The following CACNA1G variants were observed in gnomAD, a reference collection of about 807,000 sequenced individuals.
CACNA1G encodes the protein voltage-dependent T-type calcium channel subunit alpha-1G.
Under a neutral mutation model 219.4 loss-of-function variants are expected in CACNA1G, and 67 were observed. That is an observed-to-expected ratio of 0.31 (90% confidence interval 0.25 to 0.37). The LOEUF is 0.37. CACNA1G is among the 10% of genes least tolerant of loss of function. The pLI is 1.00. For missense variants in CACNA1G, 2,380 were observed against 3,231.4 expected (o/e 0.74, Z 6.39); for synonymous variants, 1,296 against 1,345.3 (o/e 0.96, Z 0.80).
At position 50,618,467 on chromosome 17, in the gene CACNA1G, C is replaced by A; in HGVS notation, c.5427+124C>A. The stretch of plus-strand genomic sequence containing the variant: ...ACCTTCTCTCCCCCGTGCTAGAACA[C>A]TCTGGAACTCCCTCTCCCAGGAACA... On this transcript the variant is annotated intron_variant, in intron 32 of 37. Coordinates refer to ENST00000359106, the MANE Select transcript of CACNA1G (RefSeq NM_018896.5). This position sits in a 1 kb window ranked among gnomAD's most constrained non-coding sequence, Gnocchi z 5.3. 7.5e-7 allele frequency: 1 copy of A among 1,335,366 alleles called. No homozygotes were observed. The highest frequency in any genetic ancestry group is 1.0e-6 in the Non-Finnish European group (1 of 954,652). The allele number at this position is 1,335,366 out of a possible 1,614,324, so 82.7% of individuals were successfully genotyped here.
At position 50,626,684 on chromosome 17, in the gene CACNA1G, C is replaced by T; in HGVS notation, c.7067C>T (p.Pro2356Leu). Residue 2356 changes from proline to leucine, a missense_variant, in exon 38 of 38, where the codon CCC (proline) becomes CTC (leucine). Around this residue, in one of 17 missense-constraint regions of CACNA1G, gnomAD observed 672 missense variants for 670.5 expected, o/e 1.00. Coordinates refer to ENST00000359106, the MANE Select transcript of CACNA1G (RefSeq NM_018896.5). The surrounding 1 kb of genome is among the most constrained non-coding windows in gnomAD (Gnocchi z 4.3). ...SGPPDSMAAS[P>L]SPKKDVLSLS... The stretch of plus-strand genomic sequence containing the variant: ...CCCCCTGACAGCATGGCTGCCTCGC[C>T]CTCCCCAAAGAAAGATGTGCTGAGT... The T allele has an allele frequency of 6.2e-7, 1 of 1,613,290 alleles. No homozygotes were observed.
At position 50,575,640 on chromosome 17, in the gene CACNA1G, G is replaced by C; in HGVS notation, c.1238G>C (p.Arg413Pro). Residue 413 changes from arginine (R) to proline (P), a missense_variant, in exon 8 of 38, where the codon CGT (arginine) becomes CCT (proline). Coordinates refer to ENST00000359106, the MANE Select transcript of CACNA1G (RefSeq NM_018896.5). ...GAAAGCCAGCTGATGCGGGAGCAGC[G>C]TGTGCGGTTCCTGTCCAACGCCAGC... Reference protein sequence around the residue: ...QRESQLMREQRVRFLSNASTL... With the variant: ...QRESQLMREQPVRFLSNASTL... The C allele has an allele frequency of 6.2e-7, 1 of 1,613,770 alleles. No individual in the cohort carries two copies. Among genetic ancestry groups the C allele is most frequent in the Non-Finnish European group, 8.5e-7 (1 of 1,179,864 alleles).
chr17:50,601,249 G>A, intron 19 of CACNA1G, 75 bp downstream of exon 19: 3 of 1,561,140 alleles, frequency 1.9e-6, no homozygotes, highest in Non-Finnish European at 2.6e-6. Flanking sequence ...AGGCAAGGAG[G>A]CCACAGTTGC....
At chr17:50,573,181 A>C (rs1474049711) in intron 7 of CACNA1G, 68 bp downstream of exon 7, 5 of 1,170,986 alleles carry the variant, frequency 4.3e-6, no homozygotes, top group Admixed American at 2.0e-5. Flanking sequence ...CAGTCCAGAG[A>C]GGGGATAGTT....
At chr17:50,564,368 AG>A (rs2037041768) in intron 1 of CACNA1G, among the ~76,000 whole-genome samples, 1 of 148,258 alleles carries the variant, frequency 6.7e-6, no homozygotes. Flanking sequence ...CACATCTGGA[AG>A]TTTGTGTAGG....
chr17:50,601,698 C>T (rs765342600), intron 19 of CACNA1G, among the ~76,000 whole-genome samples: 59 of 152,132 alleles, frequency 3.9e-4, no homozygotes, highest in Non-Finnish European at 4.4e-4. Context: ...CTGGACATAC[C>T]GCCCCAGGGT....
Position 50,626,776 on chromosome 17 carries a change from C to G in CACNA1G, c.*25C>G. 6.2e-7 allele frequency: 1 copy of G among 1,612,884 alleles called. No homozygotes were observed. The highest frequency in any genetic ancestry group is 8.5e-7 in the Non-Finnish European group (1 of 1,179,840). Reference sequence around the variant, plus strand: ...AGTCCTGCCCCACTTTCCCACTCACCTTTCTCCACTGGGTGCCAAGTCCTA... The same window carrying G: ...AGTCCTGCCCCACTTTCCCACTCACGTTTCTCCACTGGGTGCCAAGTCCTA... On this transcript the variant is annotated 3_prime_UTR_variant, in exon 38 of 38. Transcript: ENST00000359106. This position sits in a 1 kb window ranked among gnomAD's most constrained non-coding sequence, Gnocchi z 4.3.
chr17:50,604,568 C>T (rs144611509), intron 22 of CACNA1G, among the ~76,000 whole-genome samples: 168 of 152,350 alleles, frequency 1.1e-3, no homozygotes, highest in Non-Finnish European at 1.9e-3. Flanking sequence ...TGAGCACAGA[C>T]GCTGGCCCGC....
chr17:50,596,565 G>A lies in CACNA1G; in HGVS notation c.2983G>A (p.Asp995Asn). Residue 995 changes from aspartate (D) to asparagine (N), a missense_variant, in exon 15 of 38, where the codon GAT (aspartate) becomes AAT (asparagine). This residue lies in a region of CACNA1G where 418 missense variants were observed against 434.3 expected (regional missense o/e 0.96). Transcript: ENST00000359106. The surrounding 1 kb of genome is among the most constrained non-coding windows in gnomAD (Gnocchi z 4.8). Reference sequence around the variant, plus strand: ...GTCCGCTGCTCCCCTGCCCTAGGGAGATGCCAACAAGTCCGAATCAGAGCC... The same window carrying A: ...GTCCGCTGCTCCCCTGCCCTAGGGAAATGCCAACAAGTCCGAATCAGAGCC... ...IQLPVDSQGG[D>N]ANKSESEPDF... is the part of the protein sequence containing the mutation. The A allele has an allele frequency of 6.2e-7, 1 of 1,613,882 alleles. No homozygotes were observed. The highest frequency in any genetic ancestry group is 8.5e-7 in the Non-Finnish European group (1 of 1,179,784).
rs190199797 is a variant in CACNA1G at position 50,583,596 on chromosome 17, C to T, written c.2301+5032C>T. 6.8e-3 allele frequency among the ~76,000 whole-genome samples: 982 copies of T among 144,382 alleles called. 4 individuals carry two copies. Among genetic ancestry groups the T allele is most frequent in the Middle Eastern group, 0.024 (6 of 252 alleles). 94.7% of individuals were successfully genotyped at this position (144,382 alleles called of 152,430 possible). On this transcript the variant is annotated intron_variant, in intron 9 of 37. Transcript: ENST00000359106. Reference sequence around the variant, plus strand: ...CCAGCTCTCCTTCGGAAGGGCTTCACGAAGGTGGTGGCTTTTGAACGGAGC... The same window carrying T: ...CCAGCTCTCCTTCGGAAGGGCTTCATGAAGGTGGTGGCTTTTGAACGGAGC...
chr17:50,612,746 G>A (rs566628898), intron 26 of CACNA1G, among the ~76,000 whole-genome samples: 1 of 152,304 alleles, frequency 6.6e-6, no homozygotes, highest in East Asian at 1.9e-4. Flanking sequence ...TCCCTGCCCC[G>A]AAGTGGGGAC....
At chr17:50,592,203 C>A in intron 13 of CACNA1G, 111 bp downstream of exon 13, 1 of 1,179,462 alleles carries the variant, frequency 8.5e-7, no homozygotes, top group Non-Finnish European at 1.2e-6. Flanking sequence ...CTGGGAAGTC[C>A]CACAGGAAGA....
Position 50,591,865 on chromosome 17 carries a change from A to G in CACNA1G, c.2754+12A>G. On this transcript the variant is annotated intron_variant, in intron 12 of 37. Coordinates refer to ENST00000359106, the MANE Select transcript of CACNA1G (RefSeq NM_018896.5). ...TCACTGTCTTTCAGGTGCGAGGGTAACAGGGCAGGGCGTGGACAGGGGCCG... is the reference window on the plus strand; with the variant it reads ...TCACTGTCTTTCAGGTGCGAGGGTAGCAGGGCAGGGCGTGGACAGGGGCCG... 2 of 1,613,870 alleles carry G rather than the reference A, an allele frequency of 1.2e-6. No homozygotes were observed. Among genetic ancestry groups the G allele is most frequent in the Non-Finnish European group, 1.7e-6 (2 of 1,179,740 alleles).
Position 50,599,509 on chromosome 17 carries a change from G to A in CACNA1G, c.3340G>A (p.Gly1114Ser), listed in dbSNP as rs201525297. Residue 1114 changes from glycine to serine, a missense_variant, in exon 17 of 38, where the codon GGC (glycine) becomes AGC (serine). Physicochemically the swap from Gly to Ser is moderately conservative, Grantham distance 56 (BLOSUM62 0). Coordinates refer to ENST00000359106, the MANE Select transcript of CACNA1G (RefSeq NM_018896.5). ...CAGGCGCTCCAGCCGGAACAGCCTC[G>A]GCCGTGCACCCAGCCTGAAGCGGAG... ...TSRRSSRNSL[G>S]RAPSLKRRSP... 14 of 1,607,156 alleles carry A rather than the reference G, an allele frequency of 8.7e-6. No homozygotes were observed. Among genetic ancestry groups the A allele is most frequent in the Admixed American group, 3.4e-5 (2 of 58,922 alleles).
chr17:50,564,232 A>G (rs1267562439), intron 1 of CACNA1G, among the ~76,000 whole-genome samples: 2 of 151,008 alleles, frequency 1.3e-5, no homozygotes, highest in East Asian at 1.9e-4. Flanking sequence ...ACTGGCAGAC[A>G]GTCACCCCTG....
intron 26 of CACNA1G, among the ~76,000 whole-genome samples, chr17:50,610,700 C>A (rs1424194878): frequency 6.6e-6 from 1 of 152,076 alleles, no homozygotes; most frequent in African/African-American, 2.4e-5. Context: ...GCTGTTCATC[C>A]CCAAGGCCCC....
rs541084974 is a variant in CACNA1G at position 50,618,203 on chromosome 17, C to T, written c.5306-19C>T. The T allele has an allele frequency of 6.2e-7, 1 of 1,613,170 alleles. No individual in the cohort carries two copies. The highest frequency in any genetic ancestry group is 1.3e-5 in the African/African-American group (1 of 75,020). On this transcript the variant is annotated intron_variant, in intron 31 of 37. Coordinates refer to ENST00000359106, the MANE Select transcript of CACNA1G (RefSeq NM_018896.5). The surrounding 1 kb of genome is among the most constrained non-coding windows in gnomAD (Gnocchi z 5.3). ...TCCTGGACTAACATGGGCCTCTCCC[C>T]CTTTCCCTCCTCCCCCAGAGTGTGA...
At position 50,592,233 on chromosome 17, in the gene CACNA1G, G is replaced by A. The variant is rs1020547875; in HGVS notation, c.2910+141G>A. ...GGAAGAGCCTCTTAGACTAAGCCGG[G>A]GTGGACCAGGGCGGGAGGCTCCAGA... On this transcript the variant is annotated intron_variant, in intron 13 of 37. Transcript: ENST00000359106. The A allele has an allele frequency of 1.1e-5, 9 of 832,384 alleles. No homozygotes were observed. In the East Asian group the frequency reaches 2.4e-4, roughly 22 times the overall value. The allele number at this position is 832,384 out of a possible 1,614,324, so 51.6% of individuals were successfully genotyped here.
chr17:50,596,550 C>T lies in CACNA1G; in HGVS notation c.2980-12C>T. 6.2e-7 allele frequency: 1 copy of T among 1,613,020 alleles called. No homozygotes were observed. Among genetic ancestry groups the T allele is most frequent in the Non-Finnish European group, 8.5e-7 (1 of 1,179,094 alleles). On this transcript the variant is annotated splice_polypyrimidine_tract_variant and intron_variant, in intron 14 of 37. Transcript: ENST00000359106. The surrounding 1 kb of genome is among the most constrained non-coding windows in gnomAD (Gnocchi z 4.8). ...GCCGGATCCCTAATGGTCCGCTGCTCCCCTGCCCTAGGGAGATGCCAACAA... is the reference window on the plus strand; with the variant it reads ...GCCGGATCCCTAATGGTCCGCTGCTTCCCTGCCCTAGGGAGATGCCAACAA...
Sources: allele counts gnomAD v4.1 joint callset (sites outside exome capture counted in the v4.1 genomes callset), GRCh38; gene constraint gnomAD v4.1.1; regional missense constraint gnomAD v4.1.1; non-coding constraint Gnocchi (gnomAD v3.1); transcripts MANE v1.5; gene names NCBI Gene and HGNC (gene_info 2026-07-23, HGNC 2026-07-21).